Variants in DOCK1 observed in about 807,000 individuals in gnomAD.
DOCK1 encodes the protein dedicator of cytokinesis protein 1.
DOCK1 carries 138 observed loss-of-function variants against 262.7 expected under a neutral mutation model. That is an observed-to-expected ratio of 0.53 (90% CI 0.46 to 0.61). DOCK1 has a LOEUF of 0.61. DOCK1 is among the 20% of genes least tolerant of loss of function. The probability of loss-of-function intolerance (pLI) is 0.00; values close to 1 mark genes in which losing one functional copy is unlikely to be tolerated. For synonymous variants in DOCK1, 866 were observed against 867.4 expected, an observed-to-expected ratio of 1.00 and a Z score of 0.03; for missense variants, 1,908 against 2,370.7, an observed-to-expected ratio of 0.80 and a Z score of 4.05.
chr10:126,911,866 T>C (rs1053818122), intron 1 of DOCK1, among the ~76,000 whole-genome samples: 1 of 152,166 alleles, frequency 6.6e-6, no homozygotes, highest in Non-Finnish European at 1.5e-5. Flanking sequence ...TTTATTGATA[T>C]GATGGGAAGT....
At chr10:126,967,404 G>C (rs1167860204) in intron 1 of DOCK1, among the ~76,000 whole-genome samples, 1 of 152,128 alleles carries the variant, frequency 6.6e-6, no homozygotes, top group Non-Finnish European at 1.5e-5. Flanking sequence ...CACAGCCCTG[G>C]ACTTGTCTGG....
chr10:127,396,168 C>G (rs1177453048), intron 38 of DOCK1, among the ~76,000 whole-genome samples: 1 of 147,874 alleles, frequency 6.8e-6, no homozygotes, highest in Non-Finnish European at 1.5e-5. Context: ...ATTCAAGAAT[C>G]CCGGGCCAGG....
At position 127,286,011 on chromosome 10, in the gene DOCK1, T is replaced by C. The variant is rs150660359; in HGVS notation, c.3044+28582T>C. On this transcript the variant is annotated intron_variant, in intron 29 of 51. Coordinates refer to ENST00000623213, the MANE Select transcript of DOCK1 (RefSeq NM_001290223.2). ...AGTGTTTTCCTCTGGTTGGTGATGG[T>C]GTCCTAGCATGCCCTTTTTCCAGCT... is the stretch of plus-strand genomic sequence containing the variant. Among the ~76,000 whole-genome samples, 814 of 152,270 alleles carry C rather than the reference T, an allele frequency of 5.3e-3. 12 individuals carry two copies. The highest frequency in any genetic ancestry group is 0.019 in the African/African-American group (774 of 41,554).
chr10:127,424,455 G>T (rs550690217), intron 46 of DOCK1, among the ~76,000 whole-genome samples: 1 of 152,098 alleles, frequency 6.6e-6, no homozygotes, highest in Non-Finnish European at 1.5e-5. Flanking sequence ...AGAAAGGCCC[G>T]CCCTAAATCA....
At chr10:127,364,551 A>G (rs1424788202) in intron 33 of DOCK1, among the ~76,000 whole-genome samples, 1 of 152,056 alleles carries the variant, frequency 6.6e-6, no homozygotes, top group African/African-American at 2.4e-5. Flanking sequence ...TTTTTAGTAG[A>G]GACGGTGTTT....
At chr10:127,026,559 C>A in intron 16 of DOCK1, 135 bp downstream of exon 16, 3 of 792,896 alleles carry the variant, frequency 3.8e-6, no homozygotes, top group Admixed American at 2.6e-5. Context: ...GAACCTATTC[C>A]TTGGAAACAT....
chr10:127,262,560 T>C (rs575895340), intron 29 of DOCK1, among the ~76,000 whole-genome samples: 1 of 149,946 alleles, frequency 6.7e-6, no homozygotes, highest in Non-Finnish European at 1.5e-5. Flanking sequence ...GTTTAGAAGC[T>C]GGATCAGGTG....
rs114466272 is a variant in DOCK1, at chr10:127,386,535, G to A, written c.3927+1626G>A. 9.0e-3 allele frequency among the ~76,000 whole-genome samples: 1,361 copies of A among 151,478 alleles called. 10 individuals carry two copies. Among genetic ancestry groups the A allele is most frequent in the Admixed American group, 0.024 (364 of 15,156 alleles). On this transcript the variant is annotated intron_variant, in intron 38 of 51. Coordinates refer to ENST00000623213, the MANE Select transcript of DOCK1 (RefSeq NM_001290223.2). ...GAATGATACCTATTGTGAACTGTGC[G>A]TGTGAGGGATCTAGGTGCCATACTC...
intron 40 of DOCK1, among the ~76,000 whole-genome samples, chr10:127,408,051 G>A (rs2067623414): frequency 6.6e-6 from 1 of 151,894 alleles, no homozygotes; most frequent in Non-Finnish European, 1.5e-5. Flanking sequence ...GTTGAAATCG[G>A]GAAAAAAACG....
chr10:126,921,913 T>TA (rs1461926333), intron 1 of DOCK1, among the ~76,000 whole-genome samples: 4 of 151,912 alleles, frequency 2.6e-5, no homozygotes, highest in African/African-American at 9.7e-5. Flanking sequence ...AGGTAATTTA[T>TA]AAGAAAAGAG....
rs750530104 is a variant in DOCK1 at position 127,176,104 on chromosome 10, T to C, written c.2847+48340T>C. ...TGCACGCCTGTGCTCTTGGTGACGT[T>C]GGGGATGGACCTGCGTGCGGGCACT... On this transcript the variant is annotated intron_variant, in intron 27 of 51. Coordinates refer to ENST00000623213, the MANE Select transcript of DOCK1 (RefSeq NM_001290223.2). The surrounding 1 kb of genome is among the most constrained non-coding windows in gnomAD (Gnocchi z 4.4). 1 of 1,614,114 alleles carries C rather than the reference T, an allele frequency of 6.2e-7. No individual in the cohort carries two copies. The highest frequency in any genetic ancestry group is 2.2e-5 in the East Asian group (1 of 44,854).
At chr10:127,404,951 G>A (rs541985760) in intron 40 of DOCK1, among the ~76,000 whole-genome samples, 30 of 152,206 alleles carry the variant, frequency 2.0e-4, no homozygotes, top group African/African-American at 6.0e-4. Context: ...TACAGTGTTC[G>A]CCCTTCTGTG....
At position 127,012,305 on chromosome 10, in the gene DOCK1, G is replaced by T. The variant is rs1478917155; in HGVS notation, c.1132G>T (p.Glu378Ter). The T allele has an allele frequency of 6.2e-7, 1 of 1,614,016 alleles. No homozygotes were observed. The highest frequency in any genetic ancestry group is 8.5e-7 in the Non-Finnish European group (1 of 1,179,900). The change falls in exon 12 of 52, where the codon GAG becomes TAG. Residue 378 changes from glutamate to a stop codon, truncating the protein, a stop_gained. Transcript: ENST00000623213. LOFTEE classifies it high-confidence loss of function. The surrounding 1 kb of genome is among the most constrained non-coding windows in gnomAD (Gnocchi z 4.0). ...CCGTTTTTCACCCAGGGTGGCAGGG[G>T]AGAATGACTTCCTTCAGACTGTTAT... ...SSRFSPRVAG[E>*]NDFLQTVINK...
intron 33 of DOCK1, among the ~76,000 whole-genome samples, chr10:127,363,584 G>A (rs1348177523): frequency 6.6e-6 from 1 of 152,062 alleles, no homozygotes; most frequent in East Asian, 1.9e-4. Flanking sequence ...ATAATGAAAG[G>A]AAATCAAAAC....
rs573977394 is a variant in DOCK1, at chr10:126,982,287, C to T, written c.227+314C>T. 2.6e-5 allele frequency among the ~76,000 whole-genome samples: 4 copies of T among 152,298 alleles called. No homozygotes were observed. In the South Asian group the frequency reaches 8.3e-4, roughly 32 times the overall value. Reference sequence around the variant, plus strand: ...AGCTACTGACTTCATTTGGCAGAGACTCCAAAGCCCCCCAGCTCTGAGTCC... The same window carrying T: ...AGCTACTGACTTCATTTGGCAGAGATTCCAAAGCCCCCCAGCTCTGAGTCC... On this transcript the variant is annotated intron_variant, in intron 4 of 51. Coordinates refer to ENST00000623213, the MANE Select transcript of DOCK1 (RefSeq NM_001290223.2).
At chr10:127,307,438 T>C (rs1263296964) in intron 29 of DOCK1, among the ~76,000 whole-genome samples, 1 of 152,246 alleles carries the variant, frequency 6.6e-6, no homozygotes, top group Non-Finnish European at 1.5e-5. Flanking sequence ...ACACAAGTCC[T>C]CAGTGGAGTT....
At chr10:127,128,168 T>G (rs2050084849) in intron 27 of DOCK1, 1 of 153,124 alleles carries the variant, frequency 6.5e-6, no homozygotes, top group Non-Finnish European at 1.5e-5. Context: ...TCTTAAACAG[T>G]AATTAGGCAG....
At chr10:127,421,617 G>A (rs533049544) in intron 46 of DOCK1, among the ~76,000 whole-genome samples, 2 of 152,114 alleles carry the variant, frequency 1.3e-5, no homozygotes, top group East Asian at 1.9e-4. Flanking sequence ...CCCATTGAAC[G>A]ACTTCCCCAT....
Position 127,012,470 on chromosome 10 carries a change from G to A in DOCK1, c.1201+96G>A, listed in dbSNP as rs765388516. On this transcript the variant is annotated intron_variant, in intron 12 of 51. Transcript: ENST00000623213. This position sits in a 1 kb window ranked among gnomAD's most constrained non-coding sequence, Gnocchi z 4.0. ...TTTTAGTTTGATGTTGATCATGATG[G>A]TGGTGATAATGATGGGGATGACAGT... The A allele has an allele frequency of 4.8e-6, 5 of 1,046,484 alleles. No individual in the cohort carries two copies. The highest frequency in any genetic ancestry group is 7.3e-6 in the Non-Finnish European group (5 of 685,868). 64.8% of individuals were successfully genotyped at this position (1,046,484 alleles called of 1,614,324 possible).
Sources: gnomAD v4.1 joint callset for allele counts (sites outside exome capture counted in the v4.1 genomes callset) on GRCh38, gnomAD v4.1.1 for gene constraint, Gnocchi (gnomAD v3.1) non-coding constraint, MANE v1.5 for transcripts, NCBI Gene and HGNC (gene_info 2026-07-23, HGNC 2026-07-21) for gene names.